The following IMMP2L variants were observed in gnomAD, a reference collection of about 807,000 sequenced individuals.
IMMP2L encodes inner mitochondrial membrane peptidase subunit 2.
In IMMP2L, 18 loss-of-function variants were observed where a neutral mutation model predicts 19.3. The ratio of observed to expected loss-of-function variants is 0.93; its 90% confidence interval spans 0.64 to 1.38. The LOEUF (loss-of-function observed/expected upper bound fraction) is 1.38, where lower values mean the gene tolerates loss of function less well. Among genes scored for constraint, IMMP2L ranks in the 40% most tolerant of loss-of-function variants. The probability of loss-of-function intolerance (pLI) is 0.00; values close to 1 mark genes in which losing one functional copy is unlikely to be tolerated. For missense variants in IMMP2L, 233 were observed against 218.2 expected (o/e 1.07, Z -0.43); for synonymous variants, 76 against 73.0 (o/e 1.04, Z -0.21).
chr7:110,843,407 C>T (rs1383119309), intron 5 of IMMP2L, among the ~76,000 whole-genome samples: 1 of 151,992 alleles, frequency 6.6e-6, no homozygotes, highest in African/African-American at 2.4e-5. Flanking sequence ...GGGGGCCAGT[C>T]AGTCAACAAA....
At chr7:111,012,839 C>A (rs1482532881) in intron 3 of IMMP2L, among the ~76,000 whole-genome samples, 1 of 152,108 alleles carries the variant, frequency 6.6e-6, no homozygotes, top group Non-Finnish European at 1.5e-5. Flanking sequence ...CTTATTTTTT[C>A]AGAACTTGTT....
intron 3 of IMMP2L, among the ~76,000 whole-genome samples, chr7:110,967,496 AC>A (rs1175407377): frequency 6.6e-6 from 1 of 152,008 alleles, no homozygotes; most frequent in Admixed American, 6.6e-5. Flanking sequence ...TCCCTCTGTG[AC>A]TTGGGTAGAT....
In IMMP2L at chr7:111,149,982, T is replaced by C. The variant is rs932827692; in HGVS notation, c.240-186417A>G. ...GACAGTTCACCAACAAATTTGGATA[T>C]GTCAGGGAGCCAAACCTTAACAAAA... On this transcript the variant is annotated intron_variant, in intron 3 of 5. Coordinates refer to ENST00000405709, the MANE Select transcript of IMMP2L (RefSeq NM_032549.4). Among the ~76,000 whole-genome samples, 9 of 152,328 alleles carry C rather than the reference T, an allele frequency of 5.9e-5. No homozygotes were observed. The East Asian group carries it at 1.2e-3, about 20-fold the overall frequency.
intron 3 of IMMP2L, among the ~76,000 whole-genome samples, chr7:111,453,572 G>A (rs1056834392): frequency 1.3e-5 from 2 of 152,150 alleles, no homozygotes; most frequent in Admixed American, 6.6e-5. Context: ...GCTTTAAACT[G>A]ATTAAGCACA....
chr7:111,539,204 A>AGG (rs879777334), intron 1 of IMMP2L, among the ~76,000 whole-genome samples: 10,933 of 32,972 alleles, frequency 0.33, 1,894 homozygotes, highest in Middle Eastern at 0.41. Context: ...GGGAGAAAGA[A>AGG]AGAAAGAAAG....
rs1051250129 is a variant in IMMP2L, at chr7:111,347,991, A to G, written c.239+139247T>C. 3.3e-5 allele frequency among the ~76,000 whole-genome samples: 5 copies of G among 151,918 alleles called. No individual in the cohort carries two copies. In the East Asian group the frequency reaches 7.8e-4, roughly 24 times the overall value. On this transcript the variant is annotated intron_variant, in intron 3 of 5. Transcript: ENST00000405709. ...GGATGAGTTCATGTCCTTTGTAGGG[A>G]CATGGATGCAGCTGGAAACCATCAC... is the stretch of plus-strand genomic sequence containing the variant.
chr7:111,081,678 T>G (rs1164145352), intron 3 of IMMP2L, among the ~76,000 whole-genome samples: 6 of 152,226 alleles, frequency 3.9e-5, no homozygotes, highest in Admixed American at 1.3e-4. Context: ...TTAACTGTGT[T>G]GATACATCTC....
chr7:110,881,721 A>G (rs991192943), intron 5 of IMMP2L, among the ~76,000 whole-genome samples: 1 of 152,224 alleles, frequency 6.6e-6, no homozygotes, highest in African/African-American at 2.4e-5. Context: ...TAAAAAATGC[A>G]ATGAAAATTC....
chr7:110,894,930 A>C (rs1453679365), intron 4 of IMMP2L, among the ~76,000 whole-genome samples: 2 of 152,040 alleles, frequency 1.3e-5, no homozygotes, highest in Non-Finnish European at 2.9e-5. Flanking sequence ...TTTTGAAAAA[A>C]CTATTCTTTC....
Position 111,097,601 on chromosome 7 carries a change from T to A in IMMP2L, c.240-134036A>T, listed in dbSNP as rs908424134. On this transcript the variant is annotated intron_variant, in intron 3 of 5. Coordinates refer to ENST00000405709, the MANE Select transcript of IMMP2L (RefSeq NM_032549.4). ...TTCTTAAGGAAAAAAAACAAAAAAA[T>A]GTTAAAAATAGACATGTATTTTTCA... Among the ~76,000 whole-genome samples, 11 of 151,822 alleles carry A rather than the reference T, an allele frequency of 7.2e-5. No individual in the cohort carries two copies. The East Asian group carries it at 2.1e-3, about 29-fold the overall frequency.
chr7:111,450,024 A>C (rs1585153904), intron 3 of IMMP2L, among the ~76,000 whole-genome samples: 1 of 151,290 alleles, frequency 6.6e-6, no homozygotes, highest in Non-Finnish European at 1.5e-5. Context: ...CACCTCTTCA[A>C]GGAGAACTAC....
At chr7:111,435,870 C>G (rs1837110690) in intron 3 of IMMP2L, among the ~76,000 whole-genome samples, 1 of 151,762 alleles carries the variant, frequency 6.6e-6, no homozygotes, top group African/African-American at 2.4e-5. Context: ...CATCCCTATA[C>G]TCCTGCAGTG....
intron 3 of IMMP2L, among the ~76,000 whole-genome samples, chr7:111,323,648 C>A (rs1824993887): frequency 6.6e-6 from 1 of 152,090 alleles, no homozygotes; most frequent in Admixed American, 6.6e-5. Flanking sequence ...TGGGTATATA[C>A]CCAAAGGACT....
intron 5 of IMMP2L, among the ~76,000 whole-genome samples, chr7:110,671,557 G>T (rs1791922879): frequency 6.6e-6 from 1 of 152,142 alleles, no homozygotes; most frequent in African/African-American, 2.4e-5. Flanking sequence ...GCACTGAATT[G>T]CCTGTCTTTG....
intron 3 of IMMP2L, among the ~76,000 whole-genome samples, chr7:111,080,509 A>AATAGGTGTGTATAATATATAAT (rs10657513): frequency 6.6e-6 from 1 of 150,948 alleles, no homozygotes; most frequent in Non-Finnish European, 1.5e-5. Context: ...TATAATATAT[A>AATAGGTGTGTATAATATATAAT]ATGTGTGTAT....
At chr7:111,166,422 T>C (rs182634730) in intron 3 of IMMP2L, among the ~76,000 whole-genome samples, 181 of 152,140 alleles carry the variant, frequency 1.2e-3, no homozygotes, top group African/African-American at 4.0e-3. Flanking sequence ...CCTATCCTTT[T>C]AAATAATGTC....
chr7:111,067,922 A>AT, intron 3 of IMMP2L, among the ~76,000 whole-genome samples: 1 of 152,330 alleles, frequency 6.6e-6, no homozygotes, highest in East Asian at 1.9e-4. Flanking sequence ...GCAGCAAGAG[A>AT]TTAAGGATGT....
intron 3 of IMMP2L, among the ~76,000 whole-genome samples, chr7:111,175,837 G>A (rs1806998681): frequency 6.6e-6 from 1 of 151,906 alleles, no homozygotes; most frequent in South Asian, 2.1e-4. Flanking sequence ...AAAGTGAACA[G>A]ACATCCCACA....
intron 3 of IMMP2L, among the ~76,000 whole-genome samples, chr7:111,466,499 C>T (rs1840680145): frequency 6.6e-6 from 1 of 152,096 alleles, no homozygotes; most frequent in Non-Finnish European, 1.5e-5. Context: ...AATTCCCTTA[C>T]TTGGCTTAGC....
Sources: gnomAD v4.1 joint callset for allele counts (sites outside exome capture counted in the v4.1 genomes callset) on GRCh38, gnomAD v4.1.1 for gene constraint, MANE v1.5 for transcripts, NCBI Gene and HGNC (gene_info 2026-07-23, HGNC 2026-07-21) for gene names.